Variants in CORO6 observed in about 807,000 individuals in gnomAD.
CORO6 encodes the protein coronin-6.
A neutral mutation model predicts 49.0 loss-of-function variants in CORO6; 43 were observed. The observed-to-expected ratio is 0.88, with a 90% confidence interval of 0.69 to 1.13. CORO6 has a LOEUF of 1.13. Ranked by LOEUF, CORO6 falls within the 50% of genes most tolerant of loss-of-function variation. CORO6 has a pLI of 0.00. For missense variants in CORO6, 650 were observed against 647.0 expected, an observed-to-expected ratio of 1.00 and a Z score of -0.05; for synonymous variants, 233 against 256.5, an observed-to-expected ratio of 0.91 and a Z score of 0.88.
rs749792929 is a variant in CORO6, at chr17:29,616,074, G to A, written c.1164C>T (p.Leu388=). The change falls in exon 10 of 11, where the codon CTC becomes CTT. Residue 388 remains leucine (L), a synonymous_variant. Coordinates refer to ENST00000388767, the MANE Select transcript of CORO6 (RefSeq NM_032854.4). The surrounding 1 kb of genome is among the most constrained non-coding windows in gnomAD (Gnocchi z 5.6). ...WLSGQDAEPV[L]ISLRDGYVPP... ...GCACATAGCCGTCCCTCAGCGAAAT[G>A]AGCACGGGTTCGGCGTCCTGGCCGG... The A allele has an allele frequency of 6.2e-7, 1 of 1,612,974 alleles. No individual in the cohort carries two copies. Among genetic ancestry groups the A allele is most frequent in the Non-Finnish European group, 8.5e-7 (1 of 1,180,004 alleles).
In CORO6 at chr17:29,615,756, G is replaced by GC. The variant is rs1191216640; in HGVS notation, c.1394dup (p.Cys465TrpfsTer87). On this transcript the variant is annotated frameshift_variant, in exon 11 of 11. Transcript: ENST00000388767. LOFTEE classifies it high-confidence loss of function. Reference sequence around the variant, plus strand: ...GCTAGTCCGTGCCGTCCACCAGCTCGCACAGCATGTTCTCCAGAGCCGTGA... The same window carrying GC: ...GCTAGTCCGTGCCGTCCACCAGCTCGCCACAGCATGTTCTCCAGAGCCGTGA... 6.5e-7 allele frequency: 1 copy of GC among 1,549,022 alleles called. No homozygotes were observed. The highest frequency in any genetic ancestry group is 8.7e-7 in the Non-Finnish European group (1 of 1,147,462).
In CORO6 at chr17:29,617,010, C is replaced by A; in HGVS notation, c.786G>T (p.Glu262Asp). ...ATAGGACCCCGTTGCTTGTGTCCAT[C>A]TCCTGCAGTGCCACTGGCTCCTCGA... The part of the protein sequence containing the change: ...NNFEEPVALQ[E>D]MDTSNGVLLP... The change falls in exon 7 of 11, where the codon GAG becomes GAT. Residue 262 changes from glutamate to aspartate, a missense_variant. Physicochemically the swap from Glu to Asp is conservative, Grantham distance 45. Coordinates refer to ENST00000388767, the MANE Select transcript of CORO6 (RefSeq NM_032854.4). The A allele has an allele frequency of 6.2e-7, 1 of 1,613,752 alleles. No individual in the cohort carries two copies. The highest frequency in any genetic ancestry group is 2.2e-5 in the East Asian group (1 of 44,888).
At position 29,621,905 on chromosome 17, in the gene CORO6, G is replaced by A. The variant is rs181260808; in HGVS notation, c.-63-421C>T. 9.6e-4 allele frequency: 172 copies of A among 178,256 alleles called. 1 individual carries two copies. Among genetic ancestry groups the A allele is most frequent in the African/African-American group, 3.9e-3 (168 of 42,544 alleles). 11.0% of individuals were successfully genotyped at this position (178,256 alleles called of 1,614,324 possible). A position where few individuals can be genotyped will look rare whatever the true frequency, so the allele number is the denominator to read the frequency against. ...GATCTTGGCTTAAAGCCAGGTATGGGGCCAAGACTGCAGCCACCACAGGAT... is the reference window on the plus strand; with the variant it reads ...GATCTTGGCTTAAAGCCAGGTATGGAGCCAAGACTGCAGCCACCACAGGAT... On this transcript the variant is annotated intron_variant, in intron 1 of 10. Transcript: ENST00000388767. The surrounding 1 kb of genome is among the most constrained non-coding windows in gnomAD (Gnocchi z 4.2).
chr17:29,617,789 C>T (rs971297031), intron 5 of CORO6, 170 bp from the exon 6 acceptor site: 2 of 791,542 alleles, frequency 2.5e-6, no homozygotes, highest in Non-Finnish European at 3.9e-6. Flanking sequence ...ACGTCTGGCC[C>T]CTGACCTGGA....
In CORO6 at chr17:29,616,308, C is replaced by A; in HGVS notation, c.1033G>T (p.Glu345Ter). 6.2e-7 allele frequency: 1 copy of A among 1,610,314 alleles called. No homozygotes were observed. Among genetic ancestry groups the A allele is most frequent in the South Asian group, 1.1e-5 (1 of 90,334 alleles). Residue 345 changes from glutamate (E) to a stop codon, truncating the protein, a stop_gained, in exon 9 of 11, where the codon GAA becomes TAA. Coordinates refer to ENST00000388767, the MANE Select transcript of CORO6 (RefSeq NM_032854.4). LOFTEE classifies it high-confidence loss of function. The surrounding 1 kb of genome is among the most constrained non-coding windows in gnomAD (Gnocchi z 5.6). Reference protein sequence around the residue: ...RFYKLHERKCEPIIMTVPRKS... With the variant: ...RFYKLHERKC ...CGGGGCACAGTCATGATGATAGGTTCACACTTTCTTTCGTGTAGCTTGTAG... is the reference window on the plus strand; with the variant it reads ...CGGGGCACAGTCATGATGATAGGTTAACACTTTCTTTCGTGTAGCTTGTAG...
rs1171814105 is a variant in CORO6 at position 29,617,274 on chromosome 17, AC to A, written c.753+225del. ...GCGCCGCATGCAGTCACAGCAAACC[AC>A]CCCCAGGGACTCGGCATCACCAGGT... On this transcript the variant is annotated intron_variant, in intron 6 of 10. Transcript: ENST00000388767. The A allele has an allele frequency of 3.9e-6, 6 of 1,530,530 alleles. No homozygotes were observed. In the East Asian group the frequency reaches 1.5e-4, roughly 37 times the overall value. 94.8% of individuals were successfully genotyped at this position (1,530,530 alleles called of 1,614,324 possible). A position where few individuals can be genotyped will look rare whatever the true frequency, so the allele number is the denominator to read the frequency against.
chr17:29,618,657 G>A, intron 5 of CORO6, 133 bp downstream of exon 5: 1 of 1,429,170 alleles, frequency 7.0e-7, no homozygotes, highest in Non-Finnish European at 9.2e-7. Context: ...ACGGGGGAAG[G>A]GGGCTAGTCT....
chr17:29,617,240 A>T, intron 6 of CORO6, 198 bp from the exon 7 acceptor site: 2 of 1,535,170 alleles, frequency 1.3e-6, no homozygotes, highest in Non-Finnish European at 8.7e-7. Flanking sequence ...CTGCACATAT[A>T]CCCGCTGCGC....
At position 29,621,534 on chromosome 17, in the gene CORO6, G is replaced by A. The variant is rs756130666; in HGVS notation, c.-63-50C>T. 1 of 1,509,350 alleles carries A rather than the reference G, an allele frequency of 6.6e-7. No individual in the cohort carries two copies. Among genetic ancestry groups the A allele is most frequent in the Admixed American group, 2.0e-5 (1 of 50,046 alleles). 93.5% of individuals were successfully genotyped at this position (1,509,350 alleles called of 1,614,324 possible). On this transcript the variant is annotated intron_variant, in intron 1 of 10. Coordinates refer to ENST00000388767, the MANE Select transcript of CORO6 (RefSeq NM_032854.4). The surrounding 1 kb of genome is among the most constrained non-coding windows in gnomAD (Gnocchi z 4.2). ...GGGTGGCTGATGAGAAGGGTTATGT[G>A]GTCAGGAGTCAGGTATAAATCCATA... is the stretch of plus-strand genomic sequence containing the variant.
Position 29,619,058 on chromosome 17 carries a change from A to G in CORO6, c.451+2T>C. ...TGGGGGACCCCTCCTTAGCCCCCAG[A>G]CCTGCACTGAGCAGGACATTCCTGG... On this transcript the variant is annotated splice_donor_variant, in intron 4 of 10. Coordinates refer to ENST00000388767, the MANE Select transcript of CORO6 (RefSeq NM_032854.4). LOFTEE classifies it high-confidence loss of function. 6.2e-7 allele frequency: 1 copy of G among 1,613,278 alleles called. No individual in the cohort carries two copies. The highest frequency in any genetic ancestry group is 8.5e-7 in the Non-Finnish European group (1 of 1,179,678).
At chr17:29,620,626 GC>G (rs2035260792) in intron 2 of CORO6, among the ~76,000 whole-genome samples, 1 of 152,150 alleles carries the variant, frequency 6.6e-6, no homozygotes, top group Admixed American at 6.5e-5. Context: ...TGGTCAAGGG[GC>G]TTAAGGTTAT....
At chr17:29,618,223 G>A in intron 5 of CORO6, 5 of 1,324,108 alleles carry the variant, frequency 3.8e-6, no homozygotes, top group Non-Finnish European at 2.9e-6. Flanking sequence ...ACCGCTCTCG[G>A]CGCGCTTGCT....
chr17:29,615,996 G>A lies in CORO6; in HGVS notation c.1242C>T (p.Arg414=), dbSNP rs763889716. ...GGCTGCGGCGGGGGCCGGAGGGCGG[G>A]CGCACGTCCAGGATGTTGCGCTTCG... ...RVTKRNILDV[R]PPSGPRRSQS... is the part of the protein sequence containing the mutation. The change falls in exon 10 of 11, where the codon CGC becomes CGT. Residue 414 remains arginine, a synonymous_variant. Transcript: ENST00000388767. The A allele has an allele frequency of 1.0e-5, 16 of 1,587,964 alleles. No homozygotes were observed. The highest frequency in any genetic ancestry group is 1.4e-5 in the Non-Finnish European group (16 of 1,165,356).
chr17:29,621,510 G>T lies in CORO6; in HGVS notation c.-63-26C>A. ...CTGCGGGAGGGAGGAGGAGTGGAGG[G>T]GTGGCTGATGAGAAGGGTTATGTGG... On this transcript the variant is annotated intron_variant, in intron 1 of 10. Transcript: ENST00000388767. This position sits in a 1 kb window ranked among gnomAD's most constrained non-coding sequence, Gnocchi z 4.2. 6.5e-7 allele frequency: 1 copy of T among 1,534,238 alleles called. No individual in the cohort carries two copies. The highest frequency in any genetic ancestry group is 2.5e-5 in the East Asian group (1 of 40,554).
chr17:29,616,589 C>T lies in CORO6; in HGVS notation c.1004+113G>A. On this transcript the variant is annotated intron_variant, in intron 8 of 10. Transcript: ENST00000388767. This position sits in a 1 kb window ranked among gnomAD's most constrained non-coding sequence, Gnocchi z 5.6. ...GCACTGAAACAGAGCTGTCTTATCC[C>T]CCCGCCCCGCTTTTCCAAAGCACTG... 5 of 1,418,034 alleles carry T rather than the reference C, an allele frequency of 3.5e-6. No homozygotes were observed. Among genetic ancestry groups the T allele is most frequent in the Non-Finnish European group, 4.8e-6 (5 of 1,032,364 alleles). The allele number at this position is 1,418,034 out of a possible 1,614,324, so 87.8% of individuals were successfully genotyped here.
At chr17:29,622,600 C>T in intron 1 of CORO6, 88 bp downstream of exon 1, 3 of 753,460 alleles carry the variant, frequency 4.0e-6, no homozygotes, top group Non-Finnish European at 5.3e-6. Context: ...TTTGGCGGCG[C>T]GGGGGGAGGA....
intron 3 of CORO6, 40 bp downstream of exon 3, chr17:29,619,611 C>A (rs1270467478): frequency 6.2e-7 from 1 of 1,604,346 alleles, no homozygotes; most frequent in South Asian, 1.1e-5. Context: ...CTTCCCTGCT[C>A]CCCTGCTCAA....
Position 29,616,646 on chromosome 17 carries a change from G to T in CORO6, c.1004+56C>A, listed in dbSNP as rs1043387339. 1.6e-5 allele frequency: 26 copies of T among 1,592,056 alleles called. No homozygotes were observed. Among genetic ancestry groups the T allele is most frequent in the Non-Finnish European group, 2.2e-5 (26 of 1,163,650 alleles). ...TGGGGAAGCCCCGTGGCTAGGACCC[G>T]ACATGAGTGGGGGACAGAGGCGGGT... is the stretch of plus-strand genomic sequence containing the variant. On this transcript the variant is annotated intron_variant, in intron 8 of 10. Coordinates refer to ENST00000388767, the MANE Select transcript of CORO6 (RefSeq NM_032854.4). This position sits in a 1 kb window ranked among gnomAD's most constrained non-coding sequence, Gnocchi z 5.6.
In CORO6 at chr17:29,615,845, G is replaced by T; in HGVS notation, c.1306C>A (p.Leu436Met). Residue 436 changes from leucine to methionine, a missense_variant, in exon 11 of 11, where the codon CTG (leucine) becomes ATG (methionine). Coordinates refer to ENST00000388767, the MANE Select transcript of CORO6 (RefSeq NM_032854.4). The stretch of plus-strand genomic sequence containing the variant: ...TTGATCTCTTCCAGCAGCGTCTCCA[G>T]GGTGTGCTGCTGCTGGGGCGGAGGA... ...SDAPLSQQHT[L>M]ETLLEEIKAL... The T allele has an allele frequency of 6.3e-7, 1 of 1,596,900 alleles. No homozygotes were observed. Among genetic ancestry groups the T allele is most frequent in the Non-Finnish European group, 8.5e-7 (1 of 1,172,842 alleles).
Sources: gnomAD v4.1 joint callset for allele counts (sites outside exome capture counted in the v4.1 genomes callset) on GRCh38, gnomAD v4.1.1 for gene constraint, Gnocchi (gnomAD v3.1) non-coding constraint, MANE v1.5 for transcripts, NCBI Gene and HGNC (gene_info 2026-07-23, HGNC 2026-07-21) for gene names.